SLC4A7: variants seen among roughly 807,000 people sequenced by gnomAD.
SLC4A7 encodes sodium bicarbonate cotransporter 3.
A neutral mutation model predicts 137.6 loss-of-function variants in SLC4A7; 51 were observed. The ratio of observed to expected loss-of-function variants is 0.37; its 90% CI spans 0.30 to 0.47. The LOEUF is 0.47. Among genes scored for constraint, SLC4A7 ranks in the 20% least tolerant of loss-of-function variants. The pLI, the probability that SLC4A7 is intolerant of heterozygous loss-of-function variation, is 1.00. For missense variants in SLC4A7, 1,247 were observed against 1,525.4 expected (o/e 0.82, Z 3.04); for synonymous variants, 542 against 518.6 (o/e 1.05, Z -0.61).
rs2049745561 is a variant in SLC4A7, at chr3:27,374,160, T to C, written c.*2604A>G. The C allele has an allele frequency of 6.6e-6, 1 of 152,548 alleles. No homozygotes were observed. The highest frequency in any genetic ancestry group is 2.4e-5 in the African/African-American group (1 of 41,454). 9.4% of individuals were successfully genotyped at this position (152,548 alleles called of 1,614,324 possible). A position where few individuals can be genotyped will look rare whatever the true frequency, so the allele number is the denominator to read the frequency against. On this transcript the variant is annotated 3_prime_UTR_variant, in exon 26 of 26. Coordinates refer to ENST00000454389, the MANE Select transcript of SLC4A7 (RefSeq NM_001321103.2). ...CAGCATCAGGATTTACTACAGACTT[T>C]GTAAACAGATATCTATAAATAAATA...
intron 1 of SLC4A7, among the ~76,000 whole-genome samples, chr3:27,459,072 C>T (rs527854514): frequency 6.6e-6 from 1 of 152,202 alleles, no homozygotes; most frequent in African/African-American, 2.4e-5. Context: ...CTTGGCCCTC[C>T]CCACCAGTAC....
chr3:27,389,822 G>A lies in SLC4A7; in HGVS notation c.3360+109C>T, dbSNP rs1475124589. 1.4e-5 allele frequency: 11 copies of A among 771,414 alleles called. No individual in the cohort carries two copies. In the East Asian group the frequency reaches 3.1e-4, roughly 22 times the overall value. The allele number at this position is 771,414 out of a possible 1,614,324, so 47.8% of individuals were successfully genotyped here. Reference sequence around the variant, plus strand: ...TAATTCACATTTTCAAACACCTAAGGTACTTAAAACGCATTATTCTTTTTC... The same window carrying A: ...TAATTCACATTTTCAAACACCTAAGATACTTAAAACGCATTATTCTTTTTC... On this transcript the variant is annotated intron_variant, in intron 22 of 25. Transcript: ENST00000454389.
intron 1 of SLC4A7, among the ~76,000 whole-genome samples, chr3:27,478,451 G>C (rs2059560862): frequency 6.7e-6 from 1 of 148,960 alleles, no homozygotes; most frequent in Non-Finnish European, 1.5e-5. Context: ...CCGGGGGACG[G>C]AGGTTGCCGT....
intron 23 of SLC4A7, 146 bp downstream of exon 23, chr3:27,385,746 T>C (rs996614134): frequency 2.6e-5 from 14 of 531,420 alleles, no homozygotes; most frequent in African/African-American, 2.4e-4. Context: ...AAAATGGAGA[T>C]AACAGCAGTA....
chr3:27,401,749 T>C (rs1250002404), intron 15 of SLC4A7, among the ~76,000 whole-genome samples: 2 of 152,180 alleles, frequency 1.3e-5, no homozygotes, highest in African/African-American at 4.8e-5. Flanking sequence ...GCCAAATAAA[T>C]GTAATTCACA....
intron 1 of SLC4A7, among the ~76,000 whole-genome samples, chr3:27,455,304 C>T (rs1271266123): frequency 6.6e-6 from 1 of 152,138 alleles, no homozygotes; most frequent in African/African-American, 2.4e-5. Flanking sequence ...TGCAAAAGCA[C>T]ATTGTAGTGA....
At chr3:27,481,554 C>G (rs1182684484) in intron 1 of SLC4A7, among the ~76,000 whole-genome samples, 1 of 152,150 alleles carries the variant, frequency 6.6e-6, no homozygotes, top group Non-Finnish European at 1.5e-5. Context: ...TTTACCAAAA[C>G]TGGGTGAGCG....
chr3:27,411,112 T>C (rs1053815508), intron 12 of SLC4A7, among the ~76,000 whole-genome samples: 2 of 152,226 alleles, frequency 1.3e-5, no homozygotes, highest in African/African-American at 4.8e-5. Flanking sequence ...TCTGCCAATA[T>C]TTCTATTTTT....
intron 11 of SLC4A7, among the ~76,000 whole-genome samples, chr3:27,412,124 G>T (rs933816456): frequency 6.6e-6 from 1 of 152,018 alleles, no homozygotes; most frequent in Non-Finnish European, 1.5e-5. Context: ...ATTAACTATT[G>T]AAAATTACGC....
chr3:27,397,004 G>A (rs769942226), intron 18 of SLC4A7, among the ~76,000 whole-genome samples: 8 of 151,642 alleles, frequency 5.3e-5, no homozygotes, highest in Non-Finnish European at 1.0e-4. Flanking sequence ...GACCCTCTCT[G>A]CCACTCCTAG....
intron 1 of SLC4A7, among the ~76,000 whole-genome samples, chr3:27,455,014 A>C (rs2058315819): frequency 6.6e-6 from 1 of 150,484 alleles, no homozygotes; most frequent in Non-Finnish European, 1.5e-5. Context: ...ACATGTTAAA[A>C]AAAAAAAAAG....
At position 27,390,027 on chromosome 3, in the gene SLC4A7, G is replaced by C; in HGVS notation, c.3264C>G (p.Leu1088=). The part of the protein sequence containing the change: ...PDLIYLRYVP[L]WKVHIFTVIQ... Reference sequence around the variant, plus strand: ...TGACTGTGAAAATATGGACCTTCCAGAGCGGCACATAACGGAGGTATATCA... The same window carrying C: ...TGACTGTGAAAATATGGACCTTCCACAGCGGCACATAACGGAGGTATATCA... The change falls in exon 22 of 26, where the codon CTC becomes CTG. Residue 1088 remains leucine (L), a synonymous_variant. Coordinates refer to ENST00000454389, the MANE Select transcript of SLC4A7 (RefSeq NM_001321103.2). 1 of 1,613,014 alleles carries C rather than the reference G, an allele frequency of 6.2e-7. No homozygotes were observed. Among genetic ancestry groups the C allele is most frequent in the Non-Finnish European group, 8.5e-7 (1 of 1,179,048 alleles).
chr3:27,434,856 C>A (rs1366480913), intron 5 of SLC4A7, among the ~76,000 whole-genome samples: 2 of 152,004 alleles, frequency 1.3e-5, no homozygotes, highest in African/African-American at 4.8e-5. Flanking sequence ...GAAGGACCAG[C>A]CTAATAGGTA....
chr3:27,448,906 T>C (rs1480746611), intron 2 of SLC4A7, 109 bp from the exon 3 acceptor site: 4 of 672,358 alleles, frequency 5.9e-6, no homozygotes, highest in Non-Finnish European at 9.2e-6. Context: ...TTCACGTAAT[T>C]AACAATGGTA....
intron 1 of SLC4A7, among the ~76,000 whole-genome samples, chr3:27,464,943 C>A (rs1048522579): frequency 6.6e-6 from 1 of 152,082 alleles, no homozygotes; most frequent in Non-Finnish European, 1.5e-5. Context: ...CTGTGTTGTT[C>A]TTTCTTTTTC....
chr3:27,473,528 G>A (rs2059338443), intron 1 of SLC4A7, among the ~76,000 whole-genome samples: 1 of 151,552 alleles, frequency 6.6e-6, no homozygotes, highest in Non-Finnish European at 1.5e-5. Flanking sequence ...GACCAGCCTG[G>A]GCAACATGGC....
rs1156950293 is a variant in SLC4A7, at chr3:27,443,024, C to CTTTTTTTTT, written c.290-5499_290-5498insAAAAAAAAA. Among the ~76,000 whole-genome samples, 186 of 102,082 alleles carry CTTTTTTTTT rather than the reference C, an allele frequency of 1.8e-3. 9 individuals carry two copies. Among genetic ancestry groups the CTTTTTTTTT allele is most frequent in the East Asian group, 2.6e-3 (7 of 2,644 alleles). The allele number at this position is 102,082 out of a possible 152,430, so 67.0% of individuals were successfully genotyped here. A position where few individuals can be genotyped will look rare whatever the true frequency, so the allele number is the denominator to read the frequency against. ...CACCGCGCTGGGCATTCTCTTTTTTCTTTTTTTCTTTTTTTTTTTTTTTTT... is the reference window on the plus strand; with the variant it reads ...CACCGCGCTGGGCATTCTCTTTTTTCTTTTTTTTTTTTTTTTCTTTTTTTTTTTTTTTTT... On this transcript the variant is annotated intron_variant, in intron 3 of 25. Coordinates refer to ENST00000454389, the MANE Select transcript of SLC4A7 (RefSeq NM_001321103.2).
chr3:27,380,532 T>G (rs2050320178), intron 24 of SLC4A7, among the ~76,000 whole-genome samples: 1 of 152,084 alleles, frequency 6.6e-6, no homozygotes, highest in Non-Finnish European at 1.5e-5. Context: ...ATTAAAAAAA[T>G]ACATTCAGAC....
At chr3:27,468,420 A>G (rs1302955105) in intron 1 of SLC4A7, among the ~76,000 whole-genome samples, 1 of 152,154 alleles carries the variant, frequency 6.6e-6, no homozygotes, top group African/African-American at 2.4e-5. Flanking sequence ...AAGATAATAC[A>G]TGATCTAAGC....
Sources: allele counts gnomAD v4.1 joint callset (sites outside exome capture counted in the v4.1 genomes callset), GRCh38; gene constraint gnomAD v4.1.1; transcripts MANE v1.5; gene names NCBI Gene and HGNC (gene_info 2026-07-23, HGNC 2026-07-21).